The following CCSER1 variants were observed in gnomAD, a reference collection of about 807,000 sequenced individuals.
The protein encoded by CCSER1 is serine-rich coiled-coil domain-containing protein 1.
Under a neutral mutation model 82.0 loss-of-function variants are expected in CCSER1, and 41 were observed. The ratio of observed to expected loss-of-function variants is 0.50; its 90% CI spans 0.39 to 0.65. The LOEUF (loss-of-function observed/expected upper bound fraction) is 0.65. Among genes scored for constraint, CCSER1 ranks in the 30% least tolerant of loss-of-function variants. The pLI is 0.00. For missense variants in CCSER1, 1,119 were observed against 1,064.2 expected (o/e 1.05, Z -0.72); for synonymous variants, 414 against 383.9 (o/e 1.08, Z -0.92).
intron 9 of CCSER1, among the ~76,000 whole-genome samples, chr4:91,044,854 A>G (rs1277401187): frequency 6.6e-6 from 1 of 152,246 alleles, no homozygotes; most frequent in African/African-American, 2.4e-5. Flanking sequence ...TTTCTTGCAT[A>G]TAATTCTCCC....
intron 10 of CCSER1, among the ~76,000 whole-genome samples, chr4:91,464,467 A>G (rs1282587701): frequency 6.6e-6 from 1 of 152,226 alleles, no homozygotes; most frequent in Non-Finnish European, 1.5e-5. Context: ...ATAACCAGCT[A>G]ACATCGTAAT....
At chr4:90,271,857 TA>T (rs1560919761) in intron 1 of CCSER1, among the ~76,000 whole-genome samples, 47 of 32,090 alleles carry the variant, frequency 1.5e-3, no homozygotes, top group Non-Finnish European at 1.9e-3. Context: ...TATATATATA[TA>T]TATATTTTTT....
intron 1 of CCSER1, among the ~76,000 whole-genome samples, chr4:90,271,851 TATATATA>T (rs1726469848): frequency 7.1e-5 from 2 of 27,988 alleles, no homozygotes; most frequent in African/African-American, 3.6e-4. Context: ...TATATATATA[TATATATA>T]TATATTTTTT....
At chr4:91,119,033 G>A (rs1007670318) in intron 10 of CCSER1, among the ~76,000 whole-genome samples, 19 of 152,276 alleles carry the variant, frequency 1.2e-4, no homozygotes, top group African/African-American at 3.4e-4. Flanking sequence ...GTGTGAAGGA[G>A]TGAGTTATTG....
At chr4:90,628,256 T>C (rs758635022) in intron 6 of CCSER1, 24 bp downstream of exon 6, 3 of 1,567,122 alleles carry the variant, frequency 1.9e-6, no homozygotes, top group African/African-American at 2.7e-5. Flanking sequence ...CTAAGATTAA[T>C]GTCCTTCAGT....
In CCSER1 at chr4:91,357,745, C is replaced by T. The variant is rs182765551; in HGVS notation, c.2218-240827C>T. On this transcript the variant is annotated intron_variant, in intron 10 of 10. Coordinates refer to ENST00000509176, the MANE Select transcript of CCSER1 (RefSeq NM_001145065.2). ...ATAACATTTTTTCTTTCATGACTTTCGCCGACAATTTTTCAACATGTCTCA... is the reference window on the plus strand; with the variant it reads ...ATAACATTTTTTCTTTCATGACTTTTGCCGACAATTTTTCAACATGTCTCA... Among the ~76,000 whole-genome samples, 734 of 151,558 alleles carry T rather than the reference C, an allele frequency of 4.8e-3. 6 individuals carry two copies. The highest frequency in any genetic ancestry group is 0.015 in the African/African-American group (603 of 41,316).
intron 3 of CCSER1, among the ~76,000 whole-genome samples, chr4:90,391,521 A>ATG (rs1751137953): frequency 7.1e-6 from 1 of 140,000 alleles, no homozygotes; most frequent in Admixed American, 7.2e-5. Context: ...ATATATATAT[A>ATG]TATATATATA....
chr4:90,967,232 G>A (rs1734652515), intron 9 of CCSER1, among the ~76,000 whole-genome samples: 1 of 151,974 alleles, frequency 6.6e-6, no homozygotes, highest in African/African-American at 2.4e-5. Flanking sequence ...AAGATCAGCT[G>A]AGGTGAGGAA....
chr4:90,334,320 G>A (rs116606301), intron 3 of CCSER1, among the ~76,000 whole-genome samples: 1,528 of 152,054 alleles, frequency 0.01, 20 homozygotes, highest in African/African-American at 0.035. Context: ...TTTTTTAAGC[G>A]ATTGGTTTTA....
At chr4:91,198,476 G>C (rs1212209897) in intron 10 of CCSER1, among the ~76,000 whole-genome samples, 1 of 152,146 alleles carries the variant, frequency 6.6e-6, no homozygotes, top group East Asian at 1.9e-4. Flanking sequence ...TGCAATAAAT[G>C]AGAGGGTTCT....
intron 8 of CCSER1, among the ~76,000 whole-genome samples, chr4:90,911,787 T>A (rs1394654847): frequency 6.6e-6 from 1 of 152,172 alleles, no homozygotes; most frequent in Non-Finnish European, 1.5e-5. Flanking sequence ...AACCTAATAC[T>A]GCGCTTTTCC....
At chr4:90,602,911 C>T (rs1044202653) in intron 5 of CCSER1, among the ~76,000 whole-genome samples, 1 of 152,156 alleles carries the variant, frequency 6.6e-6, no homozygotes, top group African/African-American at 2.4e-5. Context: ...GTCCTCTCTC[C>T]TAGAGGTAGA....
chr4:90,349,419 T>C (rs1215124865), intron 3 of CCSER1, among the ~76,000 whole-genome samples: 1 of 152,126 alleles, frequency 6.6e-6, no homozygotes, highest in Non-Finnish European at 1.5e-5. Context: ...TTGTTTAGGA[T>C]ATAGGATAGA....
chr4:91,193,212 CT>C (rs1425596393), intron 10 of CCSER1, among the ~76,000 whole-genome samples: 1 of 152,148 alleles, frequency 6.6e-6, no homozygotes, highest in Non-Finnish European at 1.5e-5. Context: ...AGGCATATGC[CT>C]CTTTTCCTTG....
At position 91,388,050 on chromosome 4, in the gene CCSER1, G is replaced by C. The variant is rs143233773; in HGVS notation, c.2218-210522G>C. ...TAAACAATATGTTTTCTTAACTAGA[G>C]AAAAATATCATTATTGATCAATTGA... On this transcript the variant is annotated intron_variant, in intron 10 of 10. Coordinates refer to ENST00000509176, the MANE Select transcript of CCSER1 (RefSeq NM_001145065.2). Among the ~76,000 whole-genome samples the C allele has an allele frequency of 2.6e-4, 40 of 152,056 alleles. No individual in the cohort carries two copies. In the East Asian group the frequency reaches 7.7e-3, roughly 29 times the overall value.
At chr4:91,471,680 C>T (rs1192046390) in intron 10 of CCSER1, among the ~76,000 whole-genome samples, 1 of 151,970 alleles carries the variant, frequency 6.6e-6, no homozygotes, top group Non-Finnish European at 1.5e-5. Context: ...TAAGCCTTTG[C>T]CTGTAGGATG....
chr4:91,006,221 T>G (rs1738490378), intron 9 of CCSER1, among the ~76,000 whole-genome samples: 1 of 152,224 alleles, frequency 6.6e-6, no homozygotes, highest in African/African-American at 2.4e-5. Flanking sequence ...AGTGTAGAGA[T>G]CATTCACCTT....
intron 10 of CCSER1, among the ~76,000 whole-genome samples, chr4:91,440,335 G>A (rs566158597): frequency 1.3e-5 from 2 of 152,162 alleles, no homozygotes; most frequent in African/African-American, 4.8e-5. Flanking sequence ...TCAACTACAT[G>A]GAAACTGAAC....
chr4:91,016,429 T>C (rs1449966266), intron 9 of CCSER1, among the ~76,000 whole-genome samples: 1 of 152,026 alleles, frequency 6.6e-6, no homozygotes, highest in Admixed American at 6.6e-5. Flanking sequence ...TTCAGACATA[T>C]GTTTTAAATA....
Sources: gnomAD v4.1 joint callset for allele counts (sites outside exome capture counted in the v4.1 genomes callset) on GRCh38, gnomAD v4.1.1 for gene constraint, MANE v1.5 for transcripts, NCBI Gene and HGNC (gene_info 2026-07-23, HGNC 2026-07-21) for gene names.